The following HPSE2 variants were observed in gnomAD, a reference collection of about 807,000 sequenced individuals.
The protein encoded by HPSE2 is inactive heparanase-2.
Under a neutral mutation model 60.5 loss-of-function variants are expected in HPSE2, and 38 were observed. The ratio of observed to expected loss-of-function variants is 0.63; its 90% confidence interval spans 0.48 to 0.82. HPSE2 has a LOEUF of 0.82. Among genes scored for constraint, HPSE2 ranks in the 40% least tolerant of loss-of-function variants. The probability of loss-of-function intolerance (pLI) is 0.00; values close to 1 mark genes in which losing one functional copy is unlikely to be tolerated. For synonymous variants in HPSE2, 295 were observed against 293.2 expected, an observed-to-expected ratio of 1.01 and a Z score of -0.06; for missense variants, 713 against 740.4, an observed-to-expected ratio of 0.96 and a Z score of 0.43.
chr10:98,806,623 A>C (rs983442048), intron 3 of HPSE2, among the ~76,000 whole-genome samples: 17 of 152,308 alleles, frequency 1.1e-4, no homozygotes, highest in African/African-American at 3.6e-4. Context: ...AGATAGTAAA[A>C]CTATTAGAAT....
At chr10:98,822,456 C>T (rs1320530091) in intron 3 of HPSE2, among the ~76,000 whole-genome samples, 5 of 151,954 alleles carry the variant, frequency 3.3e-5, no homozygotes, top group Non-Finnish European at 7.4e-5. Context: ...GTTTAATAAA[C>T]TGCTTATAGA....
intron 3 of HPSE2, among the ~76,000 whole-genome samples, chr10:99,142,975 C>T (rs1463678091): frequency 2.0e-5 from 3 of 152,124 alleles, no homozygotes; most frequent in Admixed American, 6.6e-5. Context: ...TATTTATACA[C>T]ACACACACAT....
At chr10:98,880,412 T>A (rs1232744348) in intron 3 of HPSE2, among the ~76,000 whole-genome samples, 1 of 151,912 alleles carries the variant, frequency 6.6e-6, no homozygotes, top group Non-Finnish European at 1.5e-5. Flanking sequence ...TCATGGGTAT[T>A]TTTCCTTTAT....
chr10:98,573,692 C>A (rs560890686), intron 9 of HPSE2, among the ~76,000 whole-genome samples: 1 of 152,128 alleles, frequency 6.6e-6, no homozygotes, highest in African/African-American at 2.4e-5. Flanking sequence ...GGTCATGGCT[C>A]AAACCTAAAA....
At chr10:99,018,586 T>G (rs1224125063) in intron 3 of HPSE2, among the ~76,000 whole-genome samples, 4 of 152,132 alleles carry the variant, frequency 2.6e-5, no homozygotes, top group Non-Finnish European at 5.9e-5. Context: ...TACAGAGTAG[T>G]AAAGTTTCCA....
rs1231348657 is a variant in HPSE2 at position 98,854,948 on chromosome 10, T to C, written c.611-110892A>G. On this transcript the variant is annotated intron_variant, in intron 3 of 11. Coordinates refer to ENST00000370552, the MANE Select transcript of HPSE2 (RefSeq NM_021828.5). ...AACTCACTGGAGTTTTGACCTTTACTTAGGATACGGGAAGCTATAAAGAAC... is the reference window on the plus strand; with the variant it reads ...AACTCACTGGAGTTTTGACCTTTACCTAGGATACGGGAAGCTATAAAGAAC... 2.0e-5 allele frequency among the ~76,000 whole-genome samples: 3 copies of C among 152,210 alleles called. No homozygotes were observed. The South Asian group carries it at 6.2e-4, about 32-fold the overall frequency.
chr10:99,042,238 G>A (rs943057219), intron 3 of HPSE2, among the ~76,000 whole-genome samples: 1 of 152,078 alleles, frequency 6.6e-6, no homozygotes, highest in Non-Finnish European at 1.5e-5. Flanking sequence ...GTCCTATGGA[G>A]AAGAGGCCAG....
chr10:98,493,618 C>A (rs2133689216), intron 9 of HPSE2, among the ~76,000 whole-genome samples: 1 of 152,116 alleles, frequency 6.6e-6, no homozygotes, highest in East Asian at 1.9e-4. Flanking sequence ...CCCCTACTCT[C>A]TTTTGGTTAC....
intron 6 of HPSE2, among the ~76,000 whole-genome samples, chr10:98,676,243 T>C (rs1947640062): frequency 6.6e-6 from 1 of 152,196 alleles, no homozygotes. Flanking sequence ...TCTCAAACTT[T>C]CCCTCCTTAG....
At chr10:98,686,900 T>C (rs1947931439) in intron 6 of HPSE2, among the ~76,000 whole-genome samples, 1 of 152,198 alleles carries the variant, frequency 6.6e-6, no homozygotes, top group Non-Finnish European at 1.5e-5. Context: ...GTGGTTCAAC[T>C]GCATTCTGTA....
chr10:98,610,293 C>A (rs925237807), intron 9 of HPSE2, among the ~76,000 whole-genome samples: 1 of 152,184 alleles, frequency 6.6e-6, no homozygotes, highest in Non-Finnish European at 1.5e-5. Context: ...TGGAGGGAAA[C>A]AAGGATGGAG....
chr10:99,289,072 C>T, the HPSE2 span, among the ~76,000 whole-genome samples: 1 of 152,086 alleles, frequency 6.6e-6, no homozygotes, highest in African/African-American at 2.4e-5. Context: ...TAACATTCTG[C>T]GTCCCTGTAA....
chr10:98,799,408 G>A (rs866275475), intron 3 of HPSE2, among the ~76,000 whole-genome samples: 1 of 152,054 alleles, frequency 6.6e-6, no homozygotes, highest in African/African-American at 2.4e-5. Context: ...AGGAAACATC[G>A]GACTTCATCT....
intron 6 of HPSE2, among the ~76,000 whole-genome samples, chr10:98,658,302 A>G (rs1947131440): frequency 6.6e-6 from 1 of 152,250 alleles, no homozygotes; most frequent in South Asian, 2.1e-4. Context: ...TTCATAAATG[A>G]ATGAGCATAG....
intron 3 of HPSE2, among the ~76,000 whole-genome samples, chr10:98,976,417 C>T (rs1314407948): frequency 6.6e-6 from 1 of 152,062 alleles, no homozygotes. Flanking sequence ...TTATTTAAGG[C>T]CATGTGGCTA....
intron 6 of HPSE2, among the ~76,000 whole-genome samples, chr10:98,682,752 T>C (rs1403959343): frequency 6.6e-6 from 1 of 152,214 alleles, no homozygotes; most frequent in Non-Finnish European, 1.5e-5. Flanking sequence ...ATATAGTCTA[T>C]AAACATGATC....
chr10:99,218,633 A>G (rs1849213567), intron 2 of HPSE2, among the ~76,000 whole-genome samples: 1 of 152,192 alleles, frequency 6.6e-6, no homozygotes, highest in Admixed American at 6.5e-5. Flanking sequence ...AAAAACCCCA[A>G]ATGAAGACAT....
intron 3 of HPSE2, among the ~76,000 whole-genome samples, chr10:98,965,247 A>C (rs1955784343): frequency 6.6e-6 from 1 of 152,146 alleles, no homozygotes; most frequent in Admixed American, 6.6e-5. Flanking sequence ...CCAACTTAAC[A>C]TTCTTATTTG....
At chr10:98,983,497 T>G (rs557403903) in intron 3 of HPSE2, among the ~76,000 whole-genome samples, 1 of 152,358 alleles carries the variant, frequency 6.6e-6, no homozygotes, top group African/African-American at 2.4e-5. Flanking sequence ...GTATGGAGAT[T>G]TGAAATTGTC....
Sources: gnomAD v4.1 joint callset for allele counts (sites outside exome capture counted in the v4.1 genomes callset) on GRCh38, gnomAD v4.1.1 for gene constraint, MANE v1.5 for transcripts, NCBI Gene and HGNC (gene_info 2026-07-23, HGNC 2026-07-21) for gene names.